The following HOMER2 variants were observed in gnomAD, a reference collection of about 807,000 sequenced individuals.
The protein encoded by HOMER2 is homer protein homolog 2.
HOMER2 carries 27 observed loss-of-function variants against 47.0 expected under a neutral mutation model. The observed-to-expected ratio is 0.57, with a 90% confidence interval of 0.42 to 0.79. The LOEUF (loss-of-function observed/expected upper bound fraction) is 0.79, where lower values mean the gene tolerates loss of function less well. Among genes scored for constraint, HOMER2 ranks in the 30% least tolerant of loss-of-function variants. The pLI, the probability that HOMER2 is intolerant of heterozygous loss-of-function variation, is 0.00. For synonymous variants in HOMER2, 161 were observed against 163.8 expected, an observed-to-expected ratio of 0.98 and a Z score of 0.13; for missense variants, 443 against 435.0, an observed-to-expected ratio of 1.02 and a Z score of -0.16.
chr15:82,982,100 T>C (rs1463949086), intron 1 of HOMER2, among the ~76,000 whole-genome samples: 1 of 152,214 alleles, frequency 6.6e-6, no homozygotes, highest in Non-Finnish European at 1.5e-5. Flanking sequence ...AATTTCATGA[T>C]GTAACCTTTC....
At chr15:82,940,135 T>A (rs1368045188) in intron 1 of HOMER2, among the ~76,000 whole-genome samples, 2 of 151,918 alleles carry the variant, frequency 1.3e-5, no homozygotes, top group Non-Finnish European at 2.9e-5. Flanking sequence ...AGTTAATGGG[T>A]GCAGCACACC....
At chr15:82,950,092 C>G (rs1217413392) in intron 1 of HOMER2, among the ~76,000 whole-genome samples, 1 of 152,100 alleles carries the variant, frequency 6.6e-6, no homozygotes, top group African/African-American at 2.4e-5. Context: ...GCAGCAGCTG[C>G]ATACTAGACT....
chr15:82,965,968 C>G (rs1440276767), intron 1 of HOMER2, among the ~76,000 whole-genome samples: 1 of 152,088 alleles, frequency 6.6e-6, no homozygotes, highest in Non-Finnish European at 1.5e-5. Context: ...GTGGCATGCA[C>G]CTGTAGTCCC....
intron 6 of HOMER2, among the ~76,000 whole-genome samples, chr15:82,853,042 C>T (rs920831696): frequency 5.9e-5 from 9 of 152,332 alleles, no homozygotes; most frequent in South Asian, 2.1e-4. Context: ...GAAGTCCCCC[C>T]GAACAGGCAG....
At chr15:82,964,701 G>A (rs1490121812) in intron 1 of HOMER2, among the ~76,000 whole-genome samples, 1 of 152,142 alleles carries the variant, frequency 6.6e-6, no homozygotes, top group Non-Finnish European at 1.5e-5. Context: ...GGGAGGCAGA[G>A]GTTGCACCAC....
chr15:82,963,633 A>G (rs779692459), intron 1 of HOMER2, among the ~76,000 whole-genome samples: 11 of 152,232 alleles, frequency 7.2e-5, no homozygotes, highest in Non-Finnish European at 1.5e-4. Context: ...TGCATGTTTA[A>G]TAAGCACCTG....
chr15:82,892,383 T>C (rs2052739475), intron 2 of HOMER2, among the ~76,000 whole-genome samples: 1 of 152,198 alleles, frequency 6.6e-6, no homozygotes, highest in African/African-American at 2.4e-5. Context: ...ATGAAGATGC[T>C]CATTATTTAT....
upstream of HOMER2, chr15:82,952,775 A>G: frequency 1.3e-6 from 1 of 772,296 alleles, no homozygotes; most frequent in South Asian, 6.2e-5. Flanking sequence ...CGCCCTCCCC[A>G]GCCGCTACCC....
At chr15:82,875,573 C>G (rs1405499345) in intron 2 of HOMER2, among the ~76,000 whole-genome samples, 169 bp from the exon 3 acceptor site, 1 of 152,234 alleles carries the variant, frequency 6.6e-6, no homozygotes, top group Non-Finnish European at 1.5e-5. Context: ...AGATGAACAA[C>G]CCATGCTGAG....
chr15:82,928,674 G>T (rs1254374213), intron 1 of HOMER2, among the ~76,000 whole-genome samples: 4 of 151,858 alleles, frequency 2.6e-5, no homozygotes, highest in Non-Finnish European at 4.4e-5. Flanking sequence ...AAGAAAAAGG[G>T]CATATAAATA....
In HOMER2 at chr15:82,854,679, T is replaced by C. The variant is rs1350265319; in HGVS notation, c.616A>G (p.Ile206Val). The change falls in exon 6 of 9, where the codon ATC (isoleucine) becomes GTC (valine). Residue 206 changes from isoleucine (I) to valine (V), a missense_variant. Physicochemically the swap from Ile to Val is conservative, Grantham distance 29 (BLOSUM62 3). Coordinates refer to ENST00000450735, the MANE Select transcript of HOMER2 (RefSeq NM_004839.4). ...AGCCGGTCATTCTCATCACGGCAGATGGAGAACTGCCTCTTCCACTGCTCC... is the reference window on the plus strand; with the variant it reads ...AGCCGGTCATTCTCATCACGGCAGACGGAGAACTGCCTCTTCCACTGCTCC... ...SVEQWKRQFSICRDENDRLRN... is the reference protein window; with the variant it reads ...SVEQWKRQFSVCRDENDRLRN... 1 of 1,613,050 alleles carries C rather than the reference T, an allele frequency of 6.2e-7. No homozygotes were observed. The highest frequency in any genetic ancestry group is 1.3e-5 in the African/African-American group (1 of 74,936).
intron 1 of HOMER2, among the ~76,000 whole-genome samples, chr15:82,919,156 T>G (rs1286847565): frequency 6.6e-6 from 1 of 152,166 alleles, no homozygotes; most frequent in Admixed American, 6.5e-5. Flanking sequence ...CTAAAAAGAT[T>G]GGGAAACACT....
At chr15:82,965,986 G>A (rs2054671614) in intron 1 of HOMER2, among the ~76,000 whole-genome samples, 1 of 152,148 alleles carries the variant, frequency 6.6e-6, no homozygotes, top group Non-Finnish European at 1.5e-5. Flanking sequence ...CCCTGCTATT[G>A]GGGGATGAGG....
Position 82,852,218 on chromosome 15 carries a change from T to C in HOMER2, c.686A>G (p.Asn229Ser), listed in dbSNP as rs2051419173. The C allele has an allele frequency of 2.5e-6, 4 of 1,613,952 alleles. No homozygotes were observed. The highest frequency in any genetic ancestry group is 1.6e-4 in the Middle Eastern group (1 of 6,062). The change falls in exon 7 of 9, where the codon AAC (asparagine) becomes AGC (serine). Residue 229 changes from asparagine to serine, a missense_variant. Coordinates refer to ENST00000450735, the MANE Select transcript of HOMER2 (RefSeq NM_004839.4). ...DELEEQCSEI[N>S]REKEKNTQLK... ...CTGCGTGTTCTTCTCCTTCTCTCTG[T>C]TGATCTCACTGCATTGTTCTTCCAG...
At chr15:82,903,295 A>C (rs1267624322) in intron 1 of HOMER2, among the ~76,000 whole-genome samples, 1 of 152,082 alleles carries the variant, frequency 6.6e-6, no homozygotes, top group Non-Finnish European at 1.5e-5. Context: ...GCACGTGAAG[A>C]GCTTGGAAGT....
chr15:82,915,876 G>A (rs368028304), intron 1 of HOMER2, among the ~76,000 whole-genome samples: 2 of 152,196 alleles, frequency 1.3e-5, no homozygotes, highest in African/African-American at 4.8e-5. Flanking sequence ...GTTGAGGATT[G>A]GTTAAATTAA....
chr15:82,926,890 T>G (rs1265878623), intron 1 of HOMER2, among the ~76,000 whole-genome samples: 2 of 152,176 alleles, frequency 1.3e-5, no homozygotes, highest in Non-Finnish European at 2.9e-5. Flanking sequence ...GCCTGCACCT[T>G]GATACTAAAC....
downstream of HOMER2, among the ~76,000 whole-genome samples, chr15:82,848,142 G>A (rs183876543): frequency 3.9e-5 from 6 of 152,216 alleles, no homozygotes; most frequent in East Asian, 5.8e-4. Context: ...TCAGAGAGGC[G>A]TCTCCGTGAG....
At chr15:82,918,749 C>A (rs1422241431) in intron 1 of HOMER2, among the ~76,000 whole-genome samples, 1 of 152,214 alleles carries the variant, frequency 6.6e-6, no homozygotes, top group Non-Finnish European at 1.5e-5. Flanking sequence ...TCACACCCAG[C>A]ACACAGCAGG....
Sources: allele counts gnomAD v4.1 joint callset (sites outside exome capture counted in the v4.1 genomes callset), GRCh38; gene constraint gnomAD v4.1.1; transcripts MANE v1.5; gene names NCBI Gene and HGNC (gene_info 2026-07-23, HGNC 2026-07-21).